The following POLN variants were observed in gnomAD, a reference collection of about 807,000 sequenced individuals.
POLN encodes the protein DNA polymerase N.
In POLN, 108 loss-of-function variants were observed where a neutral mutation model predicts 113.5. That is an observed-to-expected ratio of 0.95 (90% CI 0.81 to 1.12). The LOEUF is 1.12. POLN is among the 50% of genes most tolerant of loss of function. The pLI is 0.00. For missense variants in POLN, 1,097 were observed against 1,077.1 expected (o/e 1.02, Z -0.26); for synonymous variants, 386 against 391.5 (o/e 0.99, Z 0.17).
chr4:2,240,623 A>C (rs1560107163), intron 2 of POLN: 1 of 1,613,278 alleles, frequency 6.2e-7, no homozygotes. Flanking sequence ...ATTTCAGTAG[A>C]GTTTGAACCT....
At chr4:2,179,557 G>C in intron 7 of POLN, 92 bp from the exon 8 acceptor site, 2 of 1,226,890 alleles carry the variant, frequency 1.6e-6, no homozygotes, top group South Asian at 2.7e-5. Context: ...ACGAATAGTA[G>C]TAGTATTGTC....
At chr4:2,205,130 G>A (rs370455635) in intron 5 of POLN, among the ~76,000 whole-genome samples, 9 of 152,102 alleles carry the variant, frequency 5.9e-5, no homozygotes, top group South Asian at 4.1e-4. Context: ...CATCCGAATC[G>A]ATAAAGAGGA....
intron 18 of POLN, 25 bp downstream of exon 18, chr4:2,129,154 C>T (rs1392729978): frequency 1.3e-6 from 2 of 1,522,824 alleles, no homozygotes; most frequent in East Asian, 2.3e-5. Flanking sequence ...TATGAAAATG[C>T]ATAAAGCAAG....
chr4:2,192,907 C>A (rs181015815), intron 7 of POLN, among the ~76,000 whole-genome samples: 2 of 151,996 alleles, frequency 1.3e-5, no homozygotes, highest in East Asian at 3.9e-4. Flanking sequence ...TAGTTTAATT[C>A]TTAGAAAGTT....
At chr4:2,152,308 G>A (rs1236539890) in intron 16 of POLN, among the ~76,000 whole-genome samples, 1 of 148,756 alleles carries the variant, frequency 6.7e-6, no homozygotes, top group African/African-American at 2.5e-5. Flanking sequence ...AAAGTGCTAG[G>A]ATTACAGACA....
intron 11 of POLN, among the ~76,000 whole-genome samples, chr4:2,171,696 T>C (rs968820593): frequency 6.6e-6 from 1 of 152,018 alleles, no homozygotes. Context: ...TCCCAGCACT[T>C]TGGGAGGCCG....
chr4:2,230,507 T>C (rs1169233155), intron 2 of POLN: 1 of 152,156 alleles, frequency 6.6e-6, no homozygotes, highest in Non-Finnish European at 1.5e-5. Flanking sequence ...AGGGAGCTGA[T>C]AGCAAAATCT....
rs141956404 is a variant in POLN at position 2,227,099 on chromosome 4, G to C, written c.133+2000C>G. Among the ~76,000 whole-genome samples the C allele has an allele frequency of 4.6e-5, 7 of 152,286 alleles. No individual in the cohort carries two copies. The East Asian group carries it at 1.2e-3, about 25-fold the overall frequency. On this transcript the variant is annotated intron_variant, in intron 3 of 25. Transcript: ENST00000511885. ...TGAGGGTGAATGGGACTATTGATTA[G>C]CTTCTAACCAACAGAACACACCAAA...
chr4:2,194,707 A>G (rs955358748), intron 6 of POLN, among the ~76,000 whole-genome samples: 12 of 152,110 alleles, frequency 7.9e-5, no homozygotes, highest in Admixed American at 7.2e-4. Context: ...CAAACAACAA[A>G]AAGAATACCT....
In POLN at chr4:2,168,221, C is replaced by T. The variant is rs554911104; in HGVS notation, c.1554+2458G>A. 3.9e-5 allele frequency among the ~76,000 whole-genome samples: 6 copies of T among 152,242 alleles called. No individual in the cohort carries two copies. In the South Asian group the frequency reaches 1.2e-3, roughly 32 times the overall value. On this transcript the variant is annotated intron_variant, in intron 13 of 25. Coordinates refer to ENST00000511885, the MANE Select transcript of POLN (RefSeq NM_181808.4). ...AGCAGCAGCAAATGTGTGTGTGACA[C>T]AGGGGATACCATCAGCTGGTTTCCC...
At chr4:2,209,360 AT>A (rs1363763723) in intron 4 of POLN, among the ~76,000 whole-genome samples, 1 of 151,510 alleles carries the variant, frequency 6.6e-6, no homozygotes, top group Admixed American at 6.6e-5. Context: ...CATGCCTGTA[AT>A]CCCAGCTACT....
chr4:2,238,548 G>T, intron 2 of POLN: 1 of 1,203,694 alleles, frequency 8.3e-7, no homozygotes, highest in Non-Finnish European at 1.1e-6. Flanking sequence ...ACTCTCTCTA[G>T]TATTTCGCAA....
intron 16 of POLN, among the ~76,000 whole-genome samples, chr4:2,147,852 A>C (rs1732187535): frequency 6.6e-6 from 1 of 152,028 alleles, no homozygotes; most frequent in Non-Finnish European, 1.5e-5. Context: ...CATGTTGGTC[A>C]GGCTGGTCTC....
chr4:2,241,208 T>A, intron 2 of POLN: 1 of 365,222 alleles, frequency 2.7e-6, no homozygotes, highest in Non-Finnish European at 4.9e-6. Flanking sequence ...CAGGTAGTCG[T>A]AGCTGCAATG....
At chr4:2,221,626 G>A (rs1321606432) in intron 3 of POLN, among the ~76,000 whole-genome samples, 1 of 152,168 alleles carries the variant, frequency 6.6e-6, no homozygotes, top group Non-Finnish European at 1.5e-5. Context: ...CTTCAGGCTG[G>A]AGTGCAGTGG....
intron 13 of POLN, among the ~76,000 whole-genome samples, chr4:2,163,347 T>TA (rs1359965553): frequency 1.3e-5 from 2 of 152,214 alleles, no homozygotes; most frequent in African/African-American, 4.8e-5. Flanking sequence ...CTTGATGACT[T>TA]ACTCACAAAA....
At chr4:2,196,210 T>A (rs1733568946) in intron 6 of POLN, among the ~76,000 whole-genome samples, 1 of 152,336 alleles carries the variant, frequency 6.6e-6, no homozygotes, top group Non-Finnish European at 1.5e-5. Flanking sequence ...ATTAGTTATT[T>A]ATCTGAAACT....
intron 14 of POLN, among the ~76,000 whole-genome samples, chr4:2,158,251 C>T (rs17279517): frequency 6.6e-6 from 1 of 152,052 alleles, no homozygotes; most frequent in East Asian, 1.9e-4. Context: ...CATGCCCGGC[C>T]TAAGTCTTTA....
chr4:2,079,893 A>C, intron 23 of POLN: 2 of 985,572 alleles, frequency 2.0e-6, no homozygotes, highest in Middle Eastern at 5.2e-4. Flanking sequence ...CCGAGAGTGA[A>C]TCTTCTAATG....
Sources: gnomAD v4.1 joint callset for allele counts (sites outside exome capture counted in the v4.1 genomes callset) on GRCh38, gnomAD v4.1.1 for gene constraint, MANE v1.5 for transcripts, NCBI Gene and HGNC (gene_info 2026-07-23, HGNC 2026-07-21) for gene names.